Variants in ABAT observed in about 807,000 individuals in gnomAD.
ABAT encodes 4-aminobutyrate aminotransferase, mitochondrial.
ABAT carries 45 observed loss-of-function variants against 64.6 expected under a neutral mutation model. The observed-to-expected ratio is 0.70, with a 90% CI of 0.55 to 0.89. The LOEUF (loss-of-function observed/expected upper bound fraction) is 0.89. Among genes scored for constraint, ABAT ranks in the 40% least tolerant of loss-of-function variants. The pLI, the probability that ABAT is intolerant of heterozygous loss-of-function variation, is 0.00. For synonymous variants in ABAT, 297 were observed against 250.5 expected, an observed-to-expected ratio of 1.19 and a Z score of -1.75; for missense variants, 633 against 658.4, an observed-to-expected ratio of 0.96 and a Z score of 0.42.
chr16:8,771,251 C>G (rs997271066), intron 11 of ABAT, among the ~76,000 whole-genome samples: 1 of 150,968 alleles, frequency 6.6e-6, no homozygotes, highest in African/African-American at 2.4e-5. Context: ...GCTGAGATTG[C>G]GCTATTGCAC....
chr16:8,777,563 T>G (rs2060303075), intron 14 of ABAT, among the ~76,000 whole-genome samples: 1 of 151,904 alleles, frequency 6.6e-6, no homozygotes, highest in African/African-American at 2.4e-5. Flanking sequence ...CTCCTAACCG[T>G]AAGGACGTGT....
chr16:8,719,005 G>C (rs555022665), intron 1 of ABAT, among the ~76,000 whole-genome samples: 3 of 152,160 alleles, frequency 2.0e-5, no homozygotes, highest in Non-Finnish European at 4.4e-5. Flanking sequence ...CGTACTTAGC[G>C]GTTTCTGGAG....
In ABAT at chr16:8,776,214, C is replaced by A; in HGVS notation, c.1123-130C>A. 7.8e-7 allele frequency: 1 copy of A among 1,289,914 alleles called. No individual in the cohort carries two copies. The highest frequency in any genetic ancestry group is 1.1e-6 in the Non-Finnish European group (1 of 904,908). The allele number at this position is 1,289,914 out of a possible 1,614,324, so 79.9% of individuals were successfully genotyped here. On this transcript the variant is annotated intron_variant, in intron 13 of 15. Transcript: ENST00000268251. The surrounding 1 kb of genome is among the most constrained non-coding windows in gnomAD (Gnocchi z 4.4). ...AGCGAGATTGGGTGTGTTCCCCTGC[C>A]AGCCTCTGGTAGATGCCCACTAGAT...
chr16:8,775,207 C>T (rs2060230802), intron 13 of ABAT, 150 bp downstream of exon 13: 1 of 996,148 alleles, frequency 1.0e-6, no homozygotes, highest in South Asian at 1.5e-5. Flanking sequence ...ATGCAATTAG[C>T]AGTGGTGTGC....
chr16:8,782,485 A>C lies in ABAT; in HGVS notation c.*1055A>C, dbSNP rs2060463457. The C allele has an allele frequency of 6.6e-6, 1 of 152,196 alleles. No individual in the cohort carries two copies. Among genetic ancestry groups the C allele is most frequent in the Admixed American group, 6.5e-5 (1 of 15,278 alleles). The allele number at this position is 152,196 out of a possible 1,614,324, so 9.4% of individuals were successfully genotyped here. A position where few individuals can be genotyped will look rare whatever the true frequency, so the allele number is the denominator to read the frequency against. ...GCAGAGGGAATCATTGCTGGACTGG[A>C]TTTCTTCTGGAGGGAAGCACCATGA... On this transcript the variant is annotated 3_prime_UTR_variant, in exon 16 of 16. Transcript: ENST00000268251.
intron 1 of ABAT, chr16:8,683,585 GA>G (rs1343346293): frequency 1.3e-5 from 2 of 149,642 alleles, no homozygotes; most frequent in African/African-American, 4.9e-5. Flanking sequence ...AGAGAGAAAA[GA>G]ACTGAAATGC....
chr16:8,751,180 C>T (rs1391488212), intron 5 of ABAT, among the ~76,000 whole-genome samples: 3 of 151,898 alleles, frequency 2.0e-5, no homozygotes, highest in Admixed American at 6.6e-5. Context: ...AACTCCTGAC[C>T]GCAAGTGATC....
intron 6 of ABAT, among the ~76,000 whole-genome samples, chr16:8,758,980 T>C (rs1475353446): frequency 1.3e-5 from 2 of 152,090 alleles, no homozygotes; most frequent in African/African-American, 2.4e-5. Flanking sequence ...TGTGAGCCTG[T>C]AATCTCAGCT....
chr16:8,757,657 T>C (rs780783734), intron 5 of ABAT, 100 bp from the exon 6 acceptor site: 37 of 1,299,064 alleles, frequency 2.8e-5, no homozygotes, highest in Non-Finnish European at 3.7e-5. Context: ...TTAAAGAGAG[T>C]TGGGGGGTTG....
At position 8,738,616 on chromosome 16, in the gene ABAT, G is replaced by GTT. The variant is rs772511380; in HGVS notation, c.70+2811_70+2812dup. Among the ~76,000 whole-genome samples, 188 of 117,608 alleles carry GTT rather than the reference G, an allele frequency of 1.6e-3. 26 individuals are homozygous for GTT. Among genetic ancestry groups the GTT allele is most frequent in the African/African-American group, 5.9e-3 (156 of 26,232 alleles). The allele number at this position is 117,608 out of a possible 152,430, so 77.2% of individuals were successfully genotyped here. A position where few individuals can be genotyped will look rare whatever the true frequency, so the allele number is the denominator to read the frequency against. The stretch of plus-strand genomic sequence containing the variant: ...TTTTTTCTTTTTTGTTTTTGTTTTT[G>GTT]TTTTTGTTTTTGTTTTTTTTTTGGT... On this transcript the variant is annotated intron_variant, in intron 2 of 15. Transcript: ENST00000268251.
At position 8,772,850 on chromosome 16, in the gene ABAT, A is replaced by C; in HGVS notation, c.887A>C (p.Gln296Pro). Residue 296 changes from glutamine to proline, a missense_variant, in exon 12 of 16, where the codon CAG (glutamine) becomes CCG (proline). Gln to Pro is a moderately conservative substitution (Grantham distance 76). Transcript: ENST00000268251. ...GCCGGGATCATCGTGGAGCCCATCC[A>C]GTCCGAGGGTGGAGACAACCACGCA... is the stretch of plus-strand genomic sequence containing the variant. ...TVAGIIVEPI[Q>P]SEGGDNHASD... is the part of the protein sequence containing the mutation. 6.2e-7 allele frequency: 1 copy of C among 1,614,154 alleles called. No homozygotes were observed. Among genetic ancestry groups the C allele is most frequent in the South Asian group, 1.1e-5 (1 of 91,082 alleles).
chr16:8,711,878 G>A (rs186111324), intron 1 of ABAT, among the ~76,000 whole-genome samples: 3 of 152,138 alleles, frequency 2.0e-5, no homozygotes, highest in Non-Finnish European at 2.9e-5. Flanking sequence ...AAGGATAGAT[G>A]GATGAATGAA....
intron 1 of ABAT, among the ~76,000 whole-genome samples, chr16:8,704,269 G>A (rs577594606): frequency 1.3e-5 from 2 of 152,288 alleles, no homozygotes; most frequent in East Asian, 1.9e-4. Context: ...GAAACCAAAC[G>A]GAACACAGAT....
At chr16:8,699,387 T>G (rs944079481) in intron 1 of ABAT, among the ~76,000 whole-genome samples, 12 of 152,020 alleles carry the variant, frequency 7.9e-5, no homozygotes, top group African/African-American at 2.7e-4. Flanking sequence ...GGCAACATGG[T>G]GAAACCCTAT....
intron 1 of ABAT, among the ~76,000 whole-genome samples, chr16:8,697,111 G>C (rs1014622400): frequency 1.3e-5 from 2 of 152,192 alleles, no homozygotes; most frequent in South Asian, 2.1e-4. Context: ...TGAAAGCAGT[G>C]GGACTACTTT....
intron 1 of ABAT, among the ~76,000 whole-genome samples, chr16:8,703,963 C>T (rs1338928811): frequency 1.3e-5 from 2 of 152,222 alleles, no homozygotes; most frequent in African/African-American, 2.4e-5. Flanking sequence ...GGATCCTTAG[C>T]CTACAGTCTG....
At chr16:8,744,764 A>T (rs1596449741) in intron 2 of ABAT, among the ~76,000 whole-genome samples, 1 of 151,764 alleles carries the variant, frequency 6.6e-6, no homozygotes, top group Non-Finnish European at 1.5e-5. Context: ...GCTACTTGGG[A>T]GGCCGAGGCA....
rs769429586 is a variant in ABAT at position 8,779,482 on chromosome 16, C to T, written c.1273C>T (p.Arg425Trp). ...GCCTTGTCTCCTCCCACTACAGGCC[C>T]GGTACCCCCAGTTCATCAGCAGGGT... is the stretch of plus-strand genomic sequence containing the variant. ...LLTGLLDLQA[R>W]YPQFISRVRG... is the part of the protein sequence containing the mutation. Residue 425 changes from arginine (R) to tryptophan (W), a missense_variant, in exon 15 of 16, where the codon CGG (arginine) becomes TGG (tryptophan). Arg to Trp is a moderately radical substitution (Grantham distance 101). Transcript: ENST00000268251. 8.1e-6 allele frequency: 13 copies of T among 1,613,940 alleles called. No homozygotes were observed. The highest frequency in any genetic ancestry group is 1.7e-5 in the Admixed American group (1 of 60,010).
intron 1 of ABAT, among the ~76,000 whole-genome samples, chr16:8,717,913 C>A (rs950780389): frequency 1.3e-5 from 2 of 152,030 alleles, no homozygotes; most frequent in Non-Finnish European, 2.9e-5. Context: ...CCTTGGCCTC[C>A]CAACATGCTG....
Sources: gnomAD v4.1 joint callset for allele counts (sites outside exome capture counted in the v4.1 genomes callset) on GRCh38, gnomAD v4.1.1 for gene constraint, Gnocchi (gnomAD v3.1) non-coding constraint, MANE v1.5 for transcripts, NCBI Gene and HGNC (gene_info 2026-07-23, HGNC 2026-07-21) for gene names.